The following FHIT variants were observed in gnomAD, a reference collection of about 807,000 sequenced individuals.
FHIT encodes bis(5'-adenosyl)-triphosphatase.
A neutral mutation model predicts 17.9 loss-of-function variants in FHIT; 19 were observed. That is an observed-to-expected ratio of 1.06 (90% confidence interval 0.74 to 1.56). The LOEUF is 1.56. Ranked by LOEUF, FHIT falls within the 40% of genes most tolerant of loss-of-function variation. The pLI, the probability that FHIT is intolerant of heterozygous loss-of-function variation, is 0.00. For synonymous variants in FHIT, 81 were observed against 69.7 expected, an observed-to-expected ratio of 1.16 and a Z score of -0.81; for missense variants, 248 against 189.2, an observed-to-expected ratio of 1.31 and a Z score of -1.82.
At chr3:60,383,536 A>C (rs1700891692) in intron 5 of FHIT, among the ~76,000 whole-genome samples, 1 of 152,156 alleles carries the variant, frequency 6.6e-6, no homozygotes, top group African/African-American at 2.4e-5. Flanking sequence ...AACTTCCTGC[A>C]ACAAAGAATT....
chr3:61,048,950 G>A (rs1213517883), intron 2 of FHIT, among the ~76,000 whole-genome samples: 1 of 152,038 alleles, frequency 6.6e-6, no homozygotes, highest in Non-Finnish European at 1.5e-5. Context: ...ACAAGGCAGG[G>A]GACATCACAC....
intron 5 of FHIT, among the ~76,000 whole-genome samples, chr3:60,460,952 A>C (rs931246043): frequency 2.0e-5 from 3 of 152,208 alleles, no homozygotes; most frequent in African/African-American, 7.2e-5. Flanking sequence ...CAAACTTAGG[A>C]ATCTATTTAA....
At chr3:60,793,203 T>G (rs1553729112) in intron 4 of FHIT, among the ~76,000 whole-genome samples, 1 of 152,180 alleles carries the variant, frequency 6.6e-6, no homozygotes, top group Non-Finnish European at 1.5e-5. Context: ...TCATGATTTC[T>G]TTTTAAATAT....
At chr3:60,975,405 G>T (rs147970314) in intron 3 of FHIT, among the ~76,000 whole-genome samples, 3 of 152,156 alleles carry the variant, frequency 2.0e-5, no homozygotes, top group Non-Finnish European at 2.9e-5. Flanking sequence ...CTGAAAATAT[G>T]CCCAGTTAAT....
chr3:60,765,835 C>G (rs28550945), intron 4 of FHIT, among the ~76,000 whole-genome samples: 26,056 of 152,124 alleles, frequency 0.17, 3,493 homozygotes, highest in African/African-American at 0.38. Flanking sequence ...GAAGAAGGTG[C>G]GATAAGCTGG....
chr3:61,146,618 T>G (rs148523319), intron 2 of FHIT, among the ~76,000 whole-genome samples: 67 of 152,178 alleles, frequency 4.4e-4, no homozygotes, highest in African/African-American at 1.5e-3. Context: ...ATTTTTTAAC[T>G]AATTCTTAGA....
intron 5 of FHIT, among the ~76,000 whole-genome samples, chr3:60,426,762 C>T (rs957076754): frequency 4.6e-5 from 7 of 152,260 alleles, no homozygotes; most frequent in Admixed American, 4.6e-4. Flanking sequence ...GTAAGGACTG[C>T]TCTTCCTCAT....
intron 4 of FHIT, chr3:60,765,604 C>A (rs1384547414): frequency 6.6e-6 from 1 of 152,132 alleles, no homozygotes; most frequent in Non-Finnish European, 1.5e-5. Context: ...CCAGGAAGTT[C>A]TTTACAGGTT....
In FHIT at chr3:59,749,081, A is replaced by C. The variant is rs2106709599; in HGVS notation, c.*504T>G. On this transcript the variant is annotated 3_prime_UTR_variant, in exon 10 of 10. Coordinates refer to ENST00000492590, the MANE Select transcript of FHIT (RefSeq NM_002012.4). ...CTGACCTTCAGATTAACAATTTTTAAAGTCTAGCTATGTCCAAATATTTCA... is the reference window on the plus strand; with the variant it reads ...CTGACCTTCAGATTAACAATTTTTACAGTCTAGCTATGTCCAAATATTTCA... Among the ~76,000 whole-genome samples the C allele has an allele frequency of 6.6e-6, 1 of 152,244 alleles. No homozygotes were observed. The highest frequency in any genetic ancestry group is 1.9e-4 in the East Asian group (1 of 5,176).
intron 7 of FHIT, among the ~76,000 whole-genome samples, chr3:60,008,005 G>A (rs1699990525): frequency 6.6e-6 from 1 of 152,128 alleles, no homozygotes; most frequent in African/African-American, 2.4e-5. Flanking sequence ...AGCATATTTT[G>A]GGGGTAGCGT....
chr3:60,537,687 G>T (rs2036035234), intron 4 of FHIT, among the ~76,000 whole-genome samples: 1 of 152,122 alleles, frequency 6.6e-6, no homozygotes, highest in South Asian at 2.1e-4. Flanking sequence ...AAGGGAGGCT[G>T]AAGGGAATTT....
rs2036004287 is a variant in FHIT at position 60,536,915 on chromosome 3, A to C, written c.48T>G (p.Phe16Leu). 5.0e-6 allele frequency: 8 copies of C among 1,613,528 alleles called. No individual in the cohort carries two copies. Among genetic ancestry groups the C allele is most frequent in the Non-Finnish European group, 6.8e-6 (8 of 1,179,630 alleles). Residue 16 changes from phenylalanine to leucine, a missense_variant, in exon 5 of 10, where the codon TTT becomes TTG. Transcript: ENST00000492590. ...GQHLIKPSVV[F>L]LKTELSFALV... The stretch of plus-strand genomic sequence containing the variant: ...GAGCGAAGGACAGTTCTGTTTTGAG[A>C]AACACTACAGAGGGCTTGATGAGAT...
intron 7 of FHIT, among the ~76,000 whole-genome samples, chr3:59,997,144 G>C (rs543348797): frequency 3.3e-5 from 5 of 152,132 alleles, no homozygotes; most frequent in Admixed American, 1.3e-4. Context: ...TAGGCAACAC[G>C]TTTAAAAGAG....
rs111958007 is a variant in FHIT, at chr3:60,829,733, G to T, written c.-110-7722C>A. The stretch of plus-strand genomic sequence containing the variant: ...TATAAAGCTTTCCTGGTTCAACTTG[G>T]GCTCCATTAGAAGGAGGGAAGAACT... On this transcript the variant is annotated intron_variant, in intron 3 of 9. Coordinates refer to ENST00000492590, the MANE Select transcript of FHIT (RefSeq NM_002012.4). Among the ~76,000 whole-genome samples, 70 of 152,196 alleles carry T rather than the reference G, an allele frequency of 4.6e-4. 1 individual carries two copies. Among genetic ancestry groups the T allele is most frequent in the Middle Eastern group, 3.4e-3 (1 of 294 alleles).
At chr3:60,460,236 G>C (rs942618376) in intron 5 of FHIT, among the ~76,000 whole-genome samples, 1 of 152,136 alleles carries the variant, frequency 6.6e-6, no homozygotes, top group African/African-American at 2.4e-5. Flanking sequence ...ATTAAAATTA[G>C]GGAAAGTCTT....
intron 3 of FHIT, among the ~76,000 whole-genome samples, chr3:60,847,926 T>C (rs1298011220): frequency 1.3e-5 from 2 of 152,158 alleles, no homozygotes; most frequent in Non-Finnish European, 2.9e-5. Flanking sequence ...CCTTGACATA[T>C]GTAGAGAGAA....
chr3:60,204,465 T>TC, intron 5 of FHIT, among the ~76,000 whole-genome samples: 1 of 151,418 alleles, frequency 6.6e-6, no homozygotes, highest in Admixed American at 6.6e-5. Context: ...TTTGTTTTGT[T>TC]TTTTTAGTAG....
chr3:60,337,569 A>G (rs138162722), intron 5 of FHIT, among the ~76,000 whole-genome samples: 1 of 152,228 alleles, frequency 6.6e-6, no homozygotes, highest in African/African-American at 2.4e-5. Flanking sequence ...CTTAAGTGAC[A>G]AAACCATAAA....
At chr3:60,468,574 CACTAT>C (rs2032921844) in intron 5 of FHIT, among the ~76,000 whole-genome samples, 1 of 151,938 alleles carries the variant, frequency 6.6e-6, no homozygotes, top group African/African-American at 2.4e-5. Context: ...CTAATAAAAA[CACTAT>C]ACTTTTCATA....
Sources: allele counts gnomAD v4.1 joint callset (sites outside exome capture counted in the v4.1 genomes callset), GRCh38; gene constraint gnomAD v4.1.1; transcripts MANE v1.5; gene names NCBI Gene and HGNC (gene_info 2026-07-23, HGNC 2026-07-21).